Variants in RMDN2 observed in about 807,000 individuals in gnomAD.
RMDN2 encodes regulator of microtubule dynamics 2, also known as regulator of microtubule dynamics protein 2.
Under a neutral mutation model 52.8 loss-of-function variants are expected in RMDN2, and 61 were observed. That is an observed-to-expected ratio of 1.16 (90% CI 0.94 to 1.43). The LOEUF (loss-of-function observed/expected upper bound fraction) is 1.43. RMDN2 is among the 40% of genes most tolerant of loss of function. The probability of loss-of-function intolerance (pLI) is 0.00; values close to 1 mark genes in which losing one functional copy is unlikely to be tolerated. For synonymous variants in RMDN2, 180 were observed against 153.1 expected (o/e 1.18, Z -1.30); for missense variants, 592 against 475.3 (o/e 1.25, Z -2.28).
chr2:37,934,685 T>C (rs1667141346), intron 2 of RMDN2, among the ~76,000 whole-genome samples: 1 of 152,188 alleles, frequency 6.6e-6, no homozygotes, highest in African/African-American at 2.4e-5. Flanking sequence ...GGGAGGATGA[T>C]ATCAGAGGCT....
chr2:37,976,451 C>T (rs1005778011), intron 4 of RMDN2: 1 of 152,204 alleles, frequency 6.6e-6, no homozygotes, highest in Admixed American at 6.5e-5. Flanking sequence ...GAAGACACAG[C>T]AAGAAAGATT....
chr2:38,021,615 C>G (rs186327924), downstream of RMDN2, among the ~76,000 whole-genome samples: 1 of 152,114 alleles, frequency 6.6e-6, no homozygotes, highest in Non-Finnish European at 1.5e-5. Context: ...TACCACTCAC[C>G]GCGAGGGTCC....
Position 37,929,262 on chromosome 2 carries a change from A to C in RMDN2, c.-16A>C. 6.8e-7 allele frequency: 1 copy of C among 1,475,680 alleles called. No homozygotes were observed. Among genetic ancestry groups the C allele is most frequent in the Non-Finnish European group, 9.1e-7 (1 of 1,104,602 alleles). 91.4% of individuals were successfully genotyped at this position (1,475,680 alleles called of 1,614,324 possible). On this transcript the variant is annotated splice_region_variant and 5_prime_UTR_variant, in exon 2 of 11. Transcript: ENST00000354545. ...TTTACATTTATGTTTTTAATTTTAG[A>C]AACGAAAACCAAGAAATGCCTTATT...
chr2:37,975,340 C>A (rs756654941), intron 4 of RMDN2, 26 bp downstream of exon 4: 12 of 1,301,092 alleles, frequency 9.2e-6, no homozygotes, highest in South Asian at 8.4e-5. Context: ...AGATTATTCT[C>A]AAGTAGCAAT....
At chr2:37,932,699 C>T (rs1489521983) in intron 2 of RMDN2, among the ~76,000 whole-genome samples, 2 of 146,064 alleles carry the variant, frequency 1.4e-5, no homozygotes, top group Non-Finnish European at 3.0e-5. Flanking sequence ...TGACCCCCCC[C>T]ACCTCCCTCC....
chr2:37,963,963 G>A (rs1318446629), intron 2 of RMDN2, among the ~76,000 whole-genome samples: 14 of 149,980 alleles, frequency 9.3e-5, no homozygotes, highest in South Asian at 4.3e-4. Flanking sequence ...CCTCCCTCCC[G>A]GACAGGGCGG....
intron 2 of RMDN2, chr2:37,951,947 T>C (rs202163735): frequency 6.2e-7 from 1 of 1,613,544 alleles, no homozygotes; most frequent in Non-Finnish European, 8.5e-7. Context: ...TATGTAAAGA[T>C]TTAAAAGATT....
chr2:37,981,362 T>C lies in RMDN2; in HGVS notation c.791+19T>C. On this transcript the variant is annotated intron_variant, in intron 5 of 10. Coordinates refer to ENST00000354545, the MANE Select transcript of RMDN2 (RefSeq NM_001170791.3). ...ATCTGTGGTAAGTGTATAGGATTTATGCAGTCTTTTAAATTCTAACCTGCC... is the reference window on the plus strand; with the variant it reads ...ATCTGTGGTAAGTGTATAGGATTTACGCAGTCTTTTAAATTCTAACCTGCC... 4.6e-6 allele frequency: 7 copies of C among 1,535,172 alleles called. No individual in the cohort carries two copies. The highest frequency in any genetic ancestry group is 5.4e-6 in the Non-Finnish European group (6 of 1,111,054).
intron 2 of RMDN2, among the ~76,000 whole-genome samples, chr2:37,944,001 G>A (rs1022575864): frequency 1.3e-5 from 2 of 152,102 alleles, no homozygotes; most frequent in African/African-American, 4.8e-5. Flanking sequence ...TAACTTCAGA[G>A]TTAGATTGAA....
intron 2 of RMDN2, among the ~76,000 whole-genome samples, chr2:37,955,739 C>T (rs1029667305): frequency 6.6e-6 from 1 of 152,132 alleles, no homozygotes. Context: ...TGCCATGATT[C>T]TGAGGCCTCC....
chr2:37,953,890 C>T (rs922930126), intron 2 of RMDN2, among the ~76,000 whole-genome samples: 2 of 151,974 alleles, frequency 1.3e-5, no homozygotes, highest in East Asian at 3.8e-4. Flanking sequence ...AGTAGCCATC[C>T]TAATGGGTAT....
chr2:37,951,138 A>T (rs996514730), intron 2 of RMDN2: 50 of 1,179,018 alleles, frequency 4.2e-5, no homozygotes, highest in Non-Finnish European at 5.5e-5. Flanking sequence ...CAATTGGTGG[A>T]CACCAAAAGG....
At chr2:37,994,960 G>T (rs1675312838) in intron 7 of RMDN2, among the ~76,000 whole-genome samples, 1 of 152,188 alleles carries the variant, frequency 6.6e-6, no homozygotes, top group Non-Finnish European at 1.5e-5. Flanking sequence ...ATTATAGTCA[G>T]ATCAGTATTT....
intron 10 of RMDN2, among the ~76,000 whole-genome samples, chr2:38,046,931 C>T (rs553627570): frequency 7.8e-4 from 118 of 151,622 alleles, no homozygotes; most frequent in African/African-American, 2.7e-3. Context: ...TGCAGAGAGC[C>T]GAGATTGCGC....
intron 2 of RMDN2, among the ~76,000 whole-genome samples, chr2:37,961,387 C>A (rs13001294): frequency 1.3e-5 from 2 of 151,528 alleles, no homozygotes; most frequent in Non-Finnish European, 2.9e-5. Context: ...TTGTTTGTTC[C>A]TTTGCATTCT....
downstream of RMDN2, among the ~76,000 whole-genome samples, chr2:38,018,846 T>C (rs1679114723): frequency 6.6e-6 from 1 of 152,196 alleles, no homozygotes; most frequent in Admixed American, 6.5e-5. Flanking sequence ...AATTTGGATT[T>C]TCTGTTTACT....
chr2:37,967,964 G>T (rs1441558681), intron 2 of RMDN2, among the ~76,000 whole-genome samples: 10 of 152,180 alleles, frequency 6.6e-5, no homozygotes, highest in Non-Finnish European at 7.4e-5. Context: ...GATGAATTAT[G>T]TGCTGAGAAA....
At chr2:37,951,085 C>A (rs1346803447) in intron 2 of RMDN2, 1 of 766,390 alleles carries the variant, frequency 1.3e-6, no homozygotes, top group South Asian at 2.1e-5. Flanking sequence ...CTCCCCTATT[C>A]TTCTTATTCC....
At chr2:37,951,639 A>AT (rs761706403) in intron 2 of RMDN2, 22 of 1,612,282 alleles carry the variant, frequency 1.4e-5, no homozygotes, top group Admixed American at 3.3e-5. Flanking sequence ...CAAGAGTGCC[A>AT]TTTTTTTTGA....
Sources: allele counts gnomAD v4.1 joint callset (sites outside exome capture counted in the v4.1 genomes callset), GRCh38; gene constraint gnomAD v4.1.1; transcripts MANE v1.5; gene names NCBI Gene and HGNC (gene_info 2026-07-23, HGNC 2026-07-21).